The following EIF2AK3 variants were observed in gnomAD, a reference collection of about 807,000 sequenced individuals.
The protein encoded by EIF2AK3 is eukaryotic translation initiation factor 2-alpha kinase 3.
In EIF2AK3, 50 loss-of-function variants were observed where a neutral mutation model predicts 113.5. The observed-to-expected ratio is 0.44, with a 90% CI of 0.35 to 0.56. EIF2AK3 has a LOEUF of 0.56. Among genes scored for constraint, EIF2AK3 ranks in the 20% least tolerant of loss-of-function variants. The pLI is 0.00. For synonymous variants in EIF2AK3, 448 were observed against 495.4 expected, an observed-to-expected ratio of 0.90 and a Z score of 1.27; for missense variants, 1,185 against 1,378.0, an observed-to-expected ratio of 0.86 and a Z score of 2.22.
intron 2 of EIF2AK3, among the ~76,000 whole-genome samples, chr2:88,603,141 C>T (rs895368936): frequency 6.6e-6 from 1 of 152,304 alleles, no homozygotes; most frequent in East Asian, 1.9e-4. Context: ...TCCATACCAA[C>T]CAGACCAGCT....
chr2:88,593,352 C>T lies in EIF2AK3; in HGVS notation c.687G>A (p.Met229Ile), dbSNP rs1433170972. The change falls in exon 4 of 17, where the codon ATG becomes ATA. Residue 229 changes from methionine (M) to isoleucine (I), a missense_variant. Coordinates refer to ENST00000303236, the MANE Select transcript of EIF2AK3 (RefSeq NM_004836.7). ...LGCRQWDSDE[M>I]EQEEDILLLQ... ...GAAGCAGGATGTCTTCCTCTTGTTC[C>T]ATTTCGTCACTATCCCATTGGCGAC... The T allele has an allele frequency of 3.7e-6, 6 of 1,613,890 alleles. No individual in the cohort carries two copies. The highest frequency in any genetic ancestry group is 2.7e-5 in the African/African-American group (2 of 74,866).
chr2:88,615,139 A>G (rs796427390), intron 1 of EIF2AK3, among the ~76,000 whole-genome samples: 38 of 152,282 alleles, frequency 2.5e-4, no homozygotes, highest in African/African-American at 8.2e-4. Context: ...ACCTCTATCT[A>G]TGCAACAGTA....
intron 13 of EIF2AK3, among the ~76,000 whole-genome samples, chr2:88,572,108 G>A (rs1198475093): frequency 6.6e-6 from 1 of 152,134 alleles, no homozygotes; most frequent in Non-Finnish European, 1.5e-5. Context: ...ACCATTAAAC[G>A]ATTTTGACTT....
intron 1 of EIF2AK3, among the ~76,000 whole-genome samples, chr2:88,615,562 T>C (rs1237090161): frequency 2.0e-5 from 3 of 152,154 alleles, no homozygotes; most frequent in African/African-American, 7.2e-5. Context: ...CACCAGATAC[T>C]GAATCTGCCA....
intron 1 of EIF2AK3, among the ~76,000 whole-genome samples, chr2:88,617,870 A>G (rs1359600585): frequency 6.6e-6 from 1 of 152,154 alleles, no homozygotes; most frequent in African/African-American, 2.4e-5. Context: ...TTGAACTTAA[A>G]AAAGGTATGG....
At chr2:88,619,706 C>A (rs879638044) in intron 1 of EIF2AK3, among the ~76,000 whole-genome samples, 12 of 152,312 alleles carry the variant, frequency 7.9e-5, no homozygotes, top group South Asian at 6.2e-4. Flanking sequence ...GTAATCCCAG[C>A]ACTTTGGGAG....
intron 1 of EIF2AK3, among the ~76,000 whole-genome samples, chr2:88,624,227 A>G (rs1352925213): frequency 6.6e-6 from 1 of 152,174 alleles, no homozygotes; most frequent in Non-Finnish European, 1.5e-5. Flanking sequence ...TCCTGACCTC[A>G]GGTGATCCAC....
chr2:88,608,025 G>A (rs886179104), intron 2 of EIF2AK3, among the ~76,000 whole-genome samples: 6 of 152,114 alleles, frequency 3.9e-5, no homozygotes, highest in Admixed American at 2.6e-4. Flanking sequence ...CTGAATCCTA[G>A]TCCCTCCTCC....
chr2:88,583,100 T>C (rs1454396175), intron 10 of EIF2AK3, among the ~76,000 whole-genome samples: 1 of 152,136 alleles, frequency 6.6e-6, no homozygotes, highest in Non-Finnish European at 1.5e-5. Flanking sequence ...TTCCGAAACG[T>C]GGAGACTCAT....
chr2:88,605,282 G>T (rs186627426), intron 2 of EIF2AK3, among the ~76,000 whole-genome samples: 1 of 152,212 alleles, frequency 6.6e-6, no homozygotes, highest in African/African-American at 2.4e-5. Flanking sequence ...TTCTCTATTG[G>T]AAACTTCAGG....
chr2:88,611,330 T>C (rs1236278669), intron 2 of EIF2AK3, among the ~76,000 whole-genome samples: 1 of 152,116 alleles, frequency 6.6e-6, no homozygotes, highest in Non-Finnish European at 1.5e-5. Flanking sequence ...ACTATGAGGA[T>C]TACACTGTGT....
At chr2:88,617,804 G>A (rs572636786) in intron 1 of EIF2AK3, among the ~76,000 whole-genome samples, 1 of 152,096 alleles carries the variant, frequency 6.6e-6, no homozygotes, top group African/African-American at 2.4e-5. Flanking sequence ...CACTACCTGG[G>A]TGTAATATAC....
chr2:88,575,207 T>C lies in EIF2AK3; in HGVS notation c.2276A>G (p.Tyr759Cys). The C allele has an allele frequency of 1.2e-6, 2 of 1,612,872 alleles. No homozygotes were observed. Among genetic ancestry groups the C allele is most frequent in the South Asian group, 1.1e-5 (1 of 91,034 alleles). The change falls in exon 13 of 17, where the codon TAC becomes TGC. Residue 759 changes from tyrosine to cysteine, a missense_variant. Physicochemically the swap from Tyr to Cys is radical, Grantham distance 194. This residue lies in a region of EIF2AK3 where 877 missense variants were observed against 1,024.2 expected (regional missense o/e 0.86). Transcript: ENST00000303236. The stretch of plus-strand genomic sequence containing the variant: ...TGTAAGGCAACTGTCCTGGAGGTTG[T>C]ATGCTGCATCCACTGACTCACTGAT... ...EDISESVDAA[Y>C]NLQDSCLTDC...
intron 1 of EIF2AK3, among the ~76,000 whole-genome samples, chr2:88,619,869 T>C (rs527480830): frequency 6.7e-6 from 1 of 148,702 alleles, no homozygotes; most frequent in Admixed American, 6.8e-5. Flanking sequence ...GACAGGAGAA[T>C]CACTTGAACC....
chr2:88,609,945 C>CAAAAAA (rs71378880), intron 2 of EIF2AK3, among the ~76,000 whole-genome samples: 1 of 38,798 alleles, frequency 2.6e-5, no homozygotes, highest in Non-Finnish European at 4.8e-5. Context: ...TCCATCTCTA[C>CAAAAAA]AAAAAAAAAA....
intron 14 of EIF2AK3, 62 bp from the exon 15 acceptor site, chr2:88,562,452 G>T: frequency 7.4e-7 from 1 of 1,352,002 alleles, no homozygotes; most frequent in Non-Finnish European, 1.1e-6. Context: ...TGATATTACA[G>T]CATTATTGAA....
chr2:88,589,696 T>A (rs1414573771), intron 6 of EIF2AK3, among the ~76,000 whole-genome samples: 1 of 150,630 alleles, frequency 6.6e-6, no homozygotes, highest in Non-Finnish European at 1.5e-5. Context: ...ATTATATATA[T>A]ATAAACAGAC....
At chr2:88,597,166 C>T (rs1326449840) in intron 2 of EIF2AK3, among the ~76,000 whole-genome samples, 2 of 152,234 alleles carry the variant, frequency 1.3e-5, no homozygotes, top group Non-Finnish European at 2.9e-5. Flanking sequence ...TCAACTCACA[C>T]ATCTACTTTG....
intron 10 of EIF2AK3, among the ~76,000 whole-genome samples, chr2:88,580,942 T>G (rs1489422844): frequency 6.6e-6 from 1 of 152,114 alleles, no homozygotes; most frequent in African/African-American, 2.4e-5. Context: ...GCCCACAAAC[T>G]TCATATCCTA....
Sources: allele counts gnomAD v4.1 joint callset (sites outside exome capture counted in the v4.1 genomes callset), GRCh38; gene constraint gnomAD v4.1.1; regional missense constraint gnomAD v4.1.1; transcripts MANE v1.5; gene names NCBI Gene and HGNC (gene_info 2026-07-23, HGNC 2026-07-21).